The following GRIK3 variants were observed in gnomAD, a reference collection of about 807,000 sequenced individuals.
GRIK3 encodes glutamate ionotropic receptor kainate type subunit 3, also known as glutamate receptor ionotropic, kainate 3.
Under a neutral mutation model 102.5 loss-of-function variants are expected in GRIK3, and 29 were observed. The ratio of observed to expected loss-of-function variants is 0.28; its 90% CI spans 0.21 to 0.39. GRIK3 has a LOEUF of 0.39. Ranked by LOEUF, GRIK3 falls within the 10% of genes least tolerant of loss-of-function variation. The probability of loss-of-function intolerance (pLI) is 1.00; values close to 1 mark genes in which losing one functional copy is unlikely to be tolerated. For synonymous variants in GRIK3, 511 were observed against 504.9 expected (o/e 1.01, Z -0.16); for missense variants, 908 against 1,252.4 (o/e 0.73, Z 4.15).
At chr1:36,942,887 T>C (rs1211641673) in intron 1 of GRIK3, among the ~76,000 whole-genome samples, 3 of 152,144 alleles carry the variant, frequency 2.0e-5, no homozygotes, top group Non-Finnish European at 1.5e-5. Flanking sequence ...ACCACTCTCC[T>C]GATAGGGCAG....
At chr1:36,860,072 G>T in intron 5 of GRIK3, 55 bp from the exon 6 acceptor site, 2 of 1,389,012 alleles carry the variant, frequency 1.4e-6, no homozygotes, top group Non-Finnish European at 2.0e-6. Flanking sequence ...GAGAACTCCA[G>T]CCCCGCCTCC....
At chr1:36,897,895 T>C (rs1056932488) in intron 1 of GRIK3, among the ~76,000 whole-genome samples, 7 of 152,186 alleles carry the variant, frequency 4.6e-5, no homozygotes, top group South Asian at 2.1e-4. Context: ...GCAACCTACA[T>C]GTCCATCAAC....
intron 1 of GRIK3, among the ~76,000 whole-genome samples, chr1:36,965,325 G>T (rs1642067540): frequency 6.6e-6 from 1 of 152,160 alleles, no homozygotes; most frequent in Non-Finnish European, 1.5e-5. Flanking sequence ...AGGTAAAAAA[G>T]ATTATAAATG....
intron 1 of GRIK3, among the ~76,000 whole-genome samples, chr1:36,903,109 A>G (rs978727435): frequency 3.3e-5 from 5 of 152,224 alleles, no homozygotes; most frequent in Non-Finnish European, 5.9e-5. Context: ...ATTATCCAAC[A>G]TATGCAAACC....
In GRIK3 at chr1:36,830,317, A is replaced by C. The variant is rs931204994; in HGVS notation, c.1531-4491T>G. ...TTGTGATCTCAAAGCCCAACATTTT[A>C]CCACTCTACCATGCAAGCCACATGT... is the stretch of plus-strand genomic sequence containing the variant. On this transcript the variant is annotated intron_variant, in intron 10 of 15. Transcript: ENST00000373091. Among the ~76,000 whole-genome samples, 24 of 151,626 alleles carry C rather than the reference A, an allele frequency of 1.6e-4. 1 individual carries two copies. In the South Asian group the frequency reaches 4.6e-3, roughly 29 times the overall value.
chr1:36,906,551 G>A (rs1641286650), intron 1 of GRIK3, among the ~76,000 whole-genome samples: 1 of 152,252 alleles, frequency 6.6e-6, no homozygotes, highest in Non-Finnish European at 1.5e-5. Flanking sequence ...AAAGTGAAGT[G>A]TGAGCTTCCA....
At chr1:36,877,876 A>C (rs2124259901) in intron 3 of GRIK3, among the ~76,000 whole-genome samples, 1 of 152,310 alleles carries the variant, frequency 6.6e-6, no homozygotes, top group Non-Finnish European at 1.5e-5. Flanking sequence ...CTAAATGTAT[A>C]TGCCATTTCA....
chr1:36,971,653 C>A (rs1422408568), intron 1 of GRIK3, among the ~76,000 whole-genome samples: 3 of 152,156 alleles, frequency 2.0e-5, no homozygotes, highest in South Asian at 2.1e-4. Flanking sequence ...AAGTTCTTGG[C>A]AGCTCCTAGA....
At chr1:36,963,311 TAAACAA>T (rs1642035814) in intron 1 of GRIK3, among the ~76,000 whole-genome samples, 1 of 152,176 alleles carries the variant, frequency 6.6e-6, no homozygotes, top group South Asian at 2.1e-4. Context: ...GCTCTGGGAA[TAAACAA>T]ACCCCCCGCT....
intron 2 of GRIK3, among the ~76,000 whole-genome samples, chr1:36,886,720 T>C (rs373981200): frequency 7.2e-5 from 11 of 152,374 alleles, no homozygotes; most frequent in African/African-American, 2.4e-4. Context: ...TTTTCACATA[T>C]AATTTCATTC....
At chr1:36,985,159 G>A (rs568173585) in intron 1 of GRIK3, among the ~76,000 whole-genome samples, 1 of 152,254 alleles carries the variant, frequency 6.6e-6, no homozygotes, top group Non-Finnish European at 1.5e-5. Flanking sequence ...AGAGGGGGTG[G>A]GAGAGGAAAA....
intron 5 of GRIK3, among the ~76,000 whole-genome samples, chr1:36,863,375 A>G (rs950881779): frequency 2.6e-5 from 4 of 152,138 alleles, no homozygotes; most frequent in Admixed American, 2.6e-4. Flanking sequence ...CACACTTCAA[A>G]TACTTCCATG....
At chr1:37,014,924 T>C (rs550787755) in intron 1 of GRIK3, among the ~76,000 whole-genome samples, 10 of 134,044 alleles carry the variant, frequency 7.5e-5, no homozygotes, top group Non-Finnish European at 1.1e-4. Flanking sequence ...TCTCTCTCTC[T>C]CTGTTTTTGT....
At chr1:36,848,274 T>C (rs1430780898) in intron 9 of GRIK3, among the ~76,000 whole-genome samples, 1 of 152,246 alleles carries the variant, frequency 6.6e-6, no homozygotes, top group Non-Finnish European at 1.5e-5. Context: ...TGCCTCTTAC[T>C]GTTCAGAGTA....
Position 36,841,901 on chromosome 1 carries a change from C to A in GRIK3, c.1365G>T (p.Thr455=). 1 of 1,614,208 alleles carries A rather than the reference C, an allele frequency of 6.2e-7. No individual in the cohort carries two copies. Among genetic ancestry groups the A allele is most frequent in the Non-Finnish European group, 8.5e-7 (1 of 1,180,040 alleles). The change falls in exon 10 of 16, where the codon ACG becomes ACT. Residue 455 remains threonine, a synonymous_variant. Transcript: ENST00000373091. ...PFVMFRKSDR[T]LYGNDRFEGY... ...CCTCGAACCGGTCATTCCCGTATAGCGTCCTGTCTGATTTCCGAAACATGA... is the reference window on the plus strand; with the variant it reads ...CCTCGAACCGGTCATTCCCGTATAGAGTCCTGTCTGATTTCCGAAACATGA...
At chr1:36,975,845 T>C (rs920804169) in intron 1 of GRIK3, among the ~76,000 whole-genome samples, 3 of 152,206 alleles carry the variant, frequency 2.0e-5, no homozygotes, top group African/African-American at 7.2e-5. Flanking sequence ...AGAGGTCACA[T>C]GACAGCAGTA....
intron 13 of GRIK3, among the ~76,000 whole-genome samples, chr1:36,814,781 G>T (rs1642605798): frequency 6.6e-6 from 1 of 152,004 alleles, no homozygotes; most frequent in South Asian, 2.1e-4. Context: ...ACATACCCAT[G>T]AGGATATCCA....
intron 1 of GRIK3, among the ~76,000 whole-genome samples, chr1:36,983,599 A>G (rs951480769): frequency 4.6e-5 from 7 of 152,194 alleles, no homozygotes; most frequent in African/African-American, 1.7e-4. Flanking sequence ...GCTCAAGGTC[A>G]CGCAGCCAAT....
intron 9 of GRIK3, among the ~76,000 whole-genome samples, chr1:36,845,387 A>T (rs186332636): frequency 8.9e-4 from 136 of 152,312 alleles, no homozygotes; most frequent in Admixed American, 2.5e-3. Context: ...GTCCAGAAAA[A>T]TAACCGTTTC....
Sources: gnomAD v4.1 joint callset for allele counts (sites outside exome capture counted in the v4.1 genomes callset) on GRCh38, gnomAD v4.1.1 for gene constraint, MANE v1.5 for transcripts, NCBI Gene and HGNC (gene_info 2026-07-23, HGNC 2026-07-21) for gene names.